Variants in XIRP2 observed in about 807,000 individuals in gnomAD.
XIRP2 encodes the protein xin actin binding repeat containing 2.
XIRP2 carries 236 observed loss-of-function variants against 277.0 expected under a neutral mutation model. The observed-to-expected ratio is 0.85, with a 90% CI of 0.77 to 0.95. XIRP2 has a LOEUF of 0.95. Ranked by LOEUF, XIRP2 falls within the 40% of genes least tolerant of loss-of-function variation. The pLI, the probability that XIRP2 is intolerant of heterozygous loss-of-function variation, is 0.00. For missense variants in XIRP2, 4,640 were observed against 4,157.5 expected, an observed-to-expected ratio of 1.12 and a Z score of -3.19; for synonymous variants, 1,490 against 1,416.5, an observed-to-expected ratio of 1.05 and a Z score of -1.17.
intron 2 of XIRP2, among the ~76,000 whole-genome samples, chr2:167,128,697 A>G (rs1214861290): frequency 1.3e-5 from 2 of 152,164 alleles, no homozygotes; most frequent in Non-Finnish European, 2.9e-5. Flanking sequence ...TGTTACCTAC[A>G]GAATCAAATT....
intron 2 of XIRP2, among the ~76,000 whole-genome samples, chr2:167,082,543 C>A (rs1466462378): frequency 1.3e-5 from 2 of 152,134 alleles, no homozygotes; most frequent in Non-Finnish European, 2.9e-5. Context: ...AATGGTTGAA[C>A]TAGTTTACAG....
chr2:167,130,412 G>A (rs1691339693), intron 2 of XIRP2, among the ~76,000 whole-genome samples: 1 of 151,948 alleles, frequency 6.6e-6, no homozygotes, highest in Non-Finnish European at 1.5e-5. Context: ...CACCATCATG[G>A]CCTCTGAGTT....
rs926809628 is a variant in XIRP2, at chr2:167,026,021, T to C, written c.409-109888T>C. 5.9e-5 allele frequency among the ~76,000 whole-genome samples: 9 copies of C among 152,308 alleles called. 1 individual carries two copies. The highest frequency in any genetic ancestry group is 3.9e-4 in the Admixed American group (6 of 15,296). The stretch of plus-strand genomic sequence containing the variant: ...TTCCTGGGTATCCTTGTTAACTTTC[T>C]GTCTCGTTGATCTGTCTAATGTTGA... On this transcript the variant is annotated intron_variant, in intron 2 of 10. Transcript: ENST00000409195.
intron 2 of XIRP2, among the ~76,000 whole-genome samples, chr2:167,061,565 T>C (rs1056202893): frequency 2.0e-5 from 3 of 152,080 alleles, no homozygotes; most frequent in Non-Finnish European, 4.4e-5. Flanking sequence ...ACCCCCAGTA[T>C]CCGTGGATAT....
Position 166,906,915 on chromosome 2 carries a change from A to G in XIRP2, c.408+3025A>G, listed in dbSNP as rs147691032. 1.5e-3 allele frequency among the ~76,000 whole-genome samples: 226 copies of G among 152,302 alleles called. 7 individuals are homozygous for G. In the East Asian group the frequency reaches 0.04, roughly 27 times the overall value. On this transcript the variant is annotated intron_variant, in intron 2 of 10. Coordinates refer to ENST00000409195, the MANE Select transcript of XIRP2 (RefSeq NM_152381.6). ...ATCCTGGGTGACAGAGTGAGACTCC[A>G]TCAATAAGCAAACAAACATTATTTT...
chr2:167,040,949 G>A (rs2105519877), intron 2 of XIRP2, among the ~76,000 whole-genome samples: 1 of 152,318 alleles, frequency 6.6e-6, no homozygotes, highest in East Asian at 1.9e-4. Context: ...GCCCACACAT[G>A]CATGGGACAG....
rs578012669 is a variant in XIRP2, at chr2:167,143,720, G to A, written c.562+7658G>A. On this transcript the variant is annotated intron_variant, in intron 3 of 10. Coordinates refer to ENST00000409195, the MANE Select transcript of XIRP2 (RefSeq NM_152381.6). The stretch of plus-strand genomic sequence containing the variant: ...TTTTTCTACTTTCAGAAATATGCTC[G>A]TTGACATATTTTAACAATTTTCGCC... 3.9e-5 allele frequency among the ~76,000 whole-genome samples: 6 copies of A among 151,910 alleles called. No individual in the cohort carries two copies. In the East Asian group the frequency reaches 7.8e-4, roughly 20 times the overall value.
At position 167,246,394 on chromosome 2, in the gene XIRP2, T is replaced by C; in HGVS notation, c.5002T>C (p.Ser1668Pro). 1 of 1,613,546 alleles carries C rather than the reference T, an allele frequency of 6.2e-7. No homozygotes were observed. Among genetic ancestry groups the C allele is most frequent in the Non-Finnish European group, 8.5e-7 (1 of 1,179,732 alleles). Residue 1668 changes from serine to proline, a missense_variant, in exon 9 of 11, where the codon TCT becomes CCT. Coordinates refer to ENST00000409195, the MANE Select transcript of XIRP2 (RefSeq NM_152381.6). ...DVQQAIKNLF[S>P]EERSVKKGIL... ...ACAACAAGCAATAAAAAACCTGTTC[T>C]CTGAGGAAAGATCTGTAAAGAAAGG...
At chr2:166,924,613 T>C (rs533339968) in intron 2 of XIRP2, among the ~76,000 whole-genome samples, 94 of 152,140 alleles carry the variant, frequency 6.2e-4, no homozygotes, top group African/African-American at 2.1e-3. Context: ...TACAAACAGG[T>C]TGAAGACTAG....
intron 2 of XIRP2, among the ~76,000 whole-genome samples, chr2:167,015,450 C>CTATT (rs1484285508): frequency 6.6e-6 from 1 of 151,276 alleles, no homozygotes; most frequent in Non-Finnish European, 1.5e-5. Flanking sequence ...ATCTATCTAT[C>CTATT]TATCTATCTA....
Position 167,244,416 on chromosome 2 carries a change from A to G in XIRP2, c.3024A>G (p.Glu1008=), listed in dbSNP as rs748938889. 3.1e-6 allele frequency: 5 copies of G among 1,613,782 alleles called. No homozygotes were observed. Among genetic ancestry groups the G allele is most frequent in the Non-Finnish European group, 4.2e-6 (5 of 1,179,824 alleles). Residue 1008 remains glutamate, a synonymous_variant, in exon 9 of 11, where the codon GAA becomes GAG. Coordinates refer to ENST00000409195, the MANE Select transcript of XIRP2 (RefSeq NM_152381.6). ...YHQVKTVQQE[E]IVRGDVRSCR... Reference sequence around the variant, plus strand: ...AAGTAAAGACAGTCCAGCAAGAAGAAATCGTAAGAGGTGATGTAAGAAGCT... The same window carrying G: ...AAGTAAAGACAGTCCAGCAAGAAGAGATCGTAAGAGGTGATGTAAGAAGCT...
At chr2:167,197,788 C>T (rs1693561275) in intron 3 of XIRP2, among the ~76,000 whole-genome samples, 2 of 152,092 alleles carry the variant, frequency 1.3e-5, no homozygotes, top group South Asian at 4.1e-4. Flanking sequence ...CCCAACTTTC[C>T]TCCCCTTATC....
At chr2:167,106,425 C>T (rs1461727081) in intron 2 of XIRP2, among the ~76,000 whole-genome samples, 1 of 151,602 alleles carries the variant, frequency 6.6e-6, no homozygotes, top group Non-Finnish European at 1.5e-5. Context: ...GGTTAAAAGT[C>T]GATCCCTTCT....
intron 2 of XIRP2, among the ~76,000 whole-genome samples, chr2:166,927,773 G>T (rs1026159600): frequency 5.9e-5 from 9 of 152,068 alleles, no homozygotes; most frequent in African/African-American, 2.2e-4. Context: ...ATAGGACATG[G>T]GCATCCTTGG....
Position 167,240,686 on chromosome 2 carries a change from C to G in XIRP2, c.992C>G (p.Thr331Ser). 1.9e-6 allele frequency: 3 copies of G among 1,613,800 alleles called. No homozygotes were observed. Among genetic ancestry groups the G allele is most frequent in the Non-Finnish European group, 2.5e-6 (3 of 1,179,878 alleles). ...TEMVSHLEKH[T>S]EEVNQASQFH... The stretch of plus-strand genomic sequence containing the variant: ...CAGGTCTCTCATCTTGAAAAGCACA[C>G]CGAGGAAGTAAACCAAGCATCTCAG... The change falls in exon 7 of 11, where the codon ACC becomes AGC. Residue 331 changes from threonine to serine, a missense_variant. By Grantham distance (58) the Thr-to-Ser change is moderately conservative. Transcript: ENST00000409195.
At chr2:167,242,014 A>G in intron 8 of XIRP2, 104 bp downstream of exon 8, 4 of 1,400,920 alleles carry the variant, frequency 2.9e-6, no homozygotes, top group Non-Finnish European at 3.8e-6. Context: ...TCAACAAAAA[A>G]AAATTCTGAA....
chr2:166,950,466 G>C (rs145751038), intron 2 of XIRP2, among the ~76,000 whole-genome samples: 16 of 152,036 alleles, frequency 1.1e-4, no homozygotes, highest in African/African-American at 2.9e-4. Context: ...AAAAAAAATT[G>C]ATAGAAAATA....
chr2:166,910,626 G>A (rs1471427100), intron 2 of XIRP2, among the ~76,000 whole-genome samples: 1 of 152,024 alleles, frequency 6.6e-6, no homozygotes, highest in Non-Finnish European at 1.5e-5. Flanking sequence ...GTTCTGCTCT[G>A]ATCCTAGTTA....
At chr2:167,212,108 GT>G (rs1694062624) in intron 4 of XIRP2, among the ~76,000 whole-genome samples, 1 of 152,082 alleles carries the variant, frequency 6.6e-6, no homozygotes, top group Non-Finnish European at 1.5e-5. Flanking sequence ...TGACATTTAG[GT>G]TTTCACATAG....
Sources: allele counts gnomAD v4.1 joint callset (sites outside exome capture counted in the v4.1 genomes callset), GRCh38; gene constraint gnomAD v4.1.1; transcripts MANE v1.5; gene names NCBI Gene and HGNC (gene_info 2026-07-23, HGNC 2026-07-21).